The following CNTNAP2 variants were observed in gnomAD, a reference collection of about 807,000 sequenced individuals.
CNTNAP2 encodes the protein contactin-associated protein-like 2.
A neutral mutation model predicts 155.2 loss-of-function variants in CNTNAP2; 98 were observed. The observed-to-expected ratio is 0.63, with a 90% CI of 0.54 to 0.75. The LOEUF (loss-of-function observed/expected upper bound fraction) is 0.75. Ranked by LOEUF, CNTNAP2 falls within the 30% of genes least tolerant of loss-of-function variation. The probability of loss-of-function intolerance (pLI) is 0.00; values close to 1 mark genes in which losing one functional copy is unlikely to be tolerated. For missense variants in CNTNAP2, 1,727 were observed against 1,688.1 expected (o/e 1.02, Z -0.40); for synonymous variants, 651 against 631.2 (o/e 1.03, Z -0.47).
intron 2 of CNTNAP2, among the ~76,000 whole-genome samples, chr7:146,827,800 A>G (rs536651169): frequency 3.2e-4 from 49 of 152,198 alleles, no homozygotes; most frequent in Middle Eastern, 3.4e-3. Flanking sequence ...GCAGTGAACA[A>G]AGAGATTCTA....
chr7:146,663,121 T>C (rs1290274475), intron 1 of CNTNAP2, among the ~76,000 whole-genome samples: 1 of 151,596 alleles, frequency 6.6e-6, no homozygotes, highest in Non-Finnish European at 1.5e-5. Context: ...TTAATAAAAA[T>C]ACAAATAATA....
At chr7:147,510,842 C>T (rs1799003130) in intron 11 of CNTNAP2, among the ~76,000 whole-genome samples, 1 of 24,678 alleles carries the variant, frequency 4.1e-5, no homozygotes, top group South Asian at 1.6e-3. Flanking sequence ...CTGTGATGGG[C>T]CTACAACCAT....
intron 1 of CNTNAP2, among the ~76,000 whole-genome samples, chr7:146,383,023 T>C (rs1437478547): frequency 1.3e-5 from 2 of 152,166 alleles, no homozygotes; most frequent in East Asian, 3.9e-4. Flanking sequence ...CCTTTTGAAA[T>C]ACCATTATAG....
intron 12 of CNTNAP2, among the ~76,000 whole-genome samples, chr7:147,572,854 A>G (rs1332824821): frequency 6.6e-6 from 1 of 152,162 alleles, no homozygotes; most frequent in Non-Finnish European, 1.5e-5. Flanking sequence ...ACTTAAAGCC[A>G]ATAATAACTG....
At chr7:147,571,220 T>G (rs10275806) in intron 12 of CNTNAP2, among the ~76,000 whole-genome samples, 1 of 150,112 alleles carries the variant, frequency 6.7e-6, no homozygotes, top group African/African-American at 2.4e-5. Flanking sequence ...GCTGCACCCA[T>G]TAACTCCTCA....
chr7:147,470,707 G>A (rs1385200483), intron 10 of CNTNAP2, among the ~76,000 whole-genome samples: 1 of 152,090 alleles, frequency 6.6e-6, no homozygotes, highest in Non-Finnish European at 1.5e-5. Flanking sequence ...GATTGAGGAC[G>A]ACTGAGAAGA....
chr7:148,267,230 G>A (rs1796689548), intron 21 of CNTNAP2, 104 bp downstream of exon 21: 3 of 968,588 alleles, frequency 3.1e-6, no homozygotes, highest in African/African-American at 1.6e-5. Flanking sequence ...ACTGGGGCCA[G>A]TCACGAATAT....
At chr7:148,041,890 A>T (rs1017868355) in intron 15 of CNTNAP2, among the ~76,000 whole-genome samples, 8 of 152,154 alleles carry the variant, frequency 5.3e-5, no homozygotes, top group Admixed American at 1.3e-4. Context: ...TTATTTTTTT[A>T]AAAAACTGGA....
At chr7:146,234,690 G>T (rs945664219) in intron 1 of CNTNAP2, among the ~76,000 whole-genome samples, 1 of 152,072 alleles carries the variant, frequency 6.6e-6, no homozygotes, top group South Asian at 2.1e-4. Flanking sequence ...TGGCTAGCCA[G>T]TTTTCCCAGC....
intron 15 of CNTNAP2, among the ~76,000 whole-genome samples, chr7:148,035,948 C>T (rs148028598): frequency 6.6e-6 from 1 of 152,288 alleles, no homozygotes; most frequent in South Asian, 2.1e-4. Context: ...TAGTGTTCAC[C>T]CTGTTGGCTT....
chr7:146,631,483 A>G (rs1176313237), intron 1 of CNTNAP2, among the ~76,000 whole-genome samples: 1 of 152,146 alleles, frequency 6.6e-6, no homozygotes, highest in Non-Finnish European at 1.5e-5. Context: ...TTCTGTCCCA[A>G]GGTAAATCTA....
chr7:146,269,665 T>C (rs1185829845), intron 1 of CNTNAP2, among the ~76,000 whole-genome samples: 1 of 152,206 alleles, frequency 6.6e-6, no homozygotes, highest in Non-Finnish European at 1.5e-5. Flanking sequence ...AGAAGAAAAT[T>C]ACTGTTCAAC....
chr7:146,928,474 A>G (rs1006823577), intron 3 of CNTNAP2, among the ~76,000 whole-genome samples: 1 of 152,184 alleles, frequency 6.6e-6, no homozygotes, highest in African/African-American at 2.4e-5. Context: ...GCCAAATAGG[A>G]ACAGCTCCGG....
chr7:147,857,738 A>G (rs1799062796), intron 13 of CNTNAP2, among the ~76,000 whole-genome samples: 1 of 152,242 alleles, frequency 6.6e-6, no homozygotes, highest in Non-Finnish European at 1.5e-5. Context: ...GTTCAGAAAT[A>G]AAACTCTGAC....
At chr7:146,395,779 TGATAGATAGATA>T (rs1554427700) in intron 1 of CNTNAP2, among the ~76,000 whole-genome samples, 21 of 122,118 alleles carry the variant, frequency 1.7e-4, no homozygotes, top group South Asian at 8.2e-4. Context: ...GATAGACAGA[TGATAGATAGATA>T]GATAGATAGA....
intron 13 of CNTNAP2, among the ~76,000 whole-genome samples, chr7:147,872,736 G>A (rs1029997459): frequency 6.6e-6 from 1 of 151,932 alleles, no homozygotes; most frequent in African/African-American, 2.4e-5. Flanking sequence ...ACCCTTTTTT[G>A]GGGGCGTAGA....
intron 3 of CNTNAP2, among the ~76,000 whole-genome samples, chr7:146,842,641 C>G (rs1803751141): frequency 6.6e-6 from 1 of 152,072 alleles, no homozygotes; most frequent in Non-Finnish European, 1.5e-5. Context: ...GCAGGCATGT[C>G]TTACATGCCG....
At chr7:147,514,781 G>A (rs1030802612) in intron 11 of CNTNAP2, among the ~76,000 whole-genome samples, 1 of 151,970 alleles carries the variant, frequency 6.6e-6, no homozygotes, top group African/African-American at 2.4e-5. Context: ...CACAACCCAC[G>A]TCTACCCCAT....
chr7:147,993,041 AT>A (rs1397291501), intron 15 of CNTNAP2, among the ~76,000 whole-genome samples: 1 of 152,188 alleles, frequency 6.6e-6, no homozygotes, highest in Admixed American at 6.5e-5. Context: ...TATGTCAAGT[AT>A]TTTGCTGTGG....
Sources: allele counts gnomAD v4.1 joint callset (sites outside exome capture counted in the v4.1 genomes callset), GRCh38; gene constraint gnomAD v4.1.1; transcripts MANE v1.5; gene names NCBI Gene and HGNC (gene_info 2026-07-23, HGNC 2026-07-21).